The following COL6A6 variants were observed in gnomAD, a reference collection of about 807,000 sequenced individuals.
The protein encoded by COL6A6 is collagen type VI alpha 6 chain.
COL6A6 carries 183 observed loss-of-function variants against 208.6 expected under a neutral mutation model. The ratio of observed to expected loss-of-function variants is 0.88; its 90% CI spans 0.78 to 0.99. COL6A6 has a LOEUF of 0.99. Among genes scored for constraint, COL6A6 ranks in the 50% least tolerant of loss-of-function variants. COL6A6 has a pLI of 0.00. For missense variants in COL6A6, 2,816 were observed against 2,815.2 expected (o/e 1.00, Z -0.01); for synonymous variants, 973 against 1,011.8 (o/e 0.96, Z 0.73).
intron 28 of COL6A6, among the ~76,000 whole-genome samples, chr3:130,638,157 C>T (rs1425453350): frequency 2.0e-5 from 3 of 152,006 alleles, no homozygotes; most frequent in Non-Finnish European, 4.4e-5. Context: ...AAATCCTTCA[C>T]CCCCTCACTC....
At chr3:130,592,843 C>A in intron 15 of COL6A6, 121 bp downstream of exon 15, 1 of 994,018 alleles carries the variant, frequency 1.0e-6, no homozygotes, top group Non-Finnish European at 1.5e-6. Context: ...TTTTTTATTG[C>A]CAGCCATTTC....
At chr3:130,528,782 T>G (rs1055052342) in intron 1 of COL6A6, among the ~76,000 whole-genome samples, 2 of 152,176 alleles carry the variant, frequency 1.3e-5, no homozygotes, top group African/African-American at 4.8e-5. Flanking sequence ...ACTGAGGCAC[T>G]GATAGACTTA....
chr3:130,566,531 TG>T (rs1166542052), intron 4 of COL6A6, among the ~76,000 whole-genome samples, 170 bp from the exon 5 acceptor site: 1 of 152,236 alleles, frequency 6.6e-6, no homozygotes, highest in African/African-American at 2.4e-5. Flanking sequence ...GCGATTCATT[TG>T]GATGTTAAGA....
At chr3:130,590,052 T>C in intron 12 of COL6A6, 1 of 447,108 alleles carries the variant, frequency 2.2e-6, no homozygotes, top group Non-Finnish European at 4.5e-6. Flanking sequence ...TGGTCTATTT[T>C]TCTATGTGTA....
At chr3:130,645,329 G>C (rs2065436091) in intron 32 of COL6A6, among the ~76,000 whole-genome samples, 1 of 152,118 alleles carries the variant, frequency 6.6e-6, no homozygotes, top group Non-Finnish European at 1.5e-5. Context: ...GACATGCTCT[G>C]TCACACAGGC....
intron 23 of COL6A6, among the ~76,000 whole-genome samples, chr3:130,619,681 AGGCAAGTAAT>A: frequency 6.6e-6 from 1 of 152,158 alleles, no homozygotes; most frequent in Non-Finnish European, 1.5e-5. Context: ...ATGGGCCTGA[AGGCAAGTAAT>A]GGGAATGGAA....
chr3:130,535,024 A>G (rs2062190379), intron 1 of COL6A6, among the ~76,000 whole-genome samples: 1 of 152,084 alleles, frequency 6.6e-6, no homozygotes, highest in Non-Finnish European at 1.5e-5. Context: ...TCCTCAAGTC[A>G]AGTCTTCATT....
chr3:130,550,392 G>A (rs1257053490), intron 1 of COL6A6, among the ~76,000 whole-genome samples: 1 of 152,126 alleles, frequency 6.6e-6, no homozygotes, highest in African/African-American at 2.4e-5. Flanking sequence ...GGTTTTCAAG[G>A]GGAATGCTTC....
Position 130,604,270 on chromosome 3 carries a change from G to A in COL6A6, c.4654-2661G>A, listed in dbSNP as rs12487754. 9.1e-3 allele frequency among the ~76,000 whole-genome samples: 1,383 copies of A among 152,088 alleles called. 77 individuals are homozygous for A. In the East Asian group the frequency reaches 0.16, roughly 18 times the overall value. The stretch of plus-strand genomic sequence containing the variant: ...GCACTTTGGGAGGCTCAGGCGGGCG[G>A]ATCATGAGGTCAGGAGATCGAGACC... On this transcript the variant is annotated intron_variant, in intron 20 of 36. Coordinates refer to ENST00000358511, the MANE Select transcript of COL6A6 (RefSeq NM_001102608.3).
rs371005676 is a variant in COL6A6 at position 130,563,370 on chromosome 3, G to T, written c.367G>T (p.Ala123Ser). ...EAHRTYFSAP[A>S]NGRDKKQFPP... is the part of the protein sequence containing the mutation. ...TCACAGGACTTATTTCTCTGCACCC[G>T]CAAATGGGAGAGACAAGAAACAGTT... The change falls in exon 3 of 37, where the codon GCA (alanine) becomes TCA (serine). Residue 123 changes from alanine (A) to serine (S), a missense_variant. Coordinates refer to ENST00000358511, the MANE Select transcript of COL6A6 (RefSeq NM_001102608.3). 1.1e-4 allele frequency: 180 copies of T among 1,613,914 alleles called. 1 individual carries two copies. In the South Asian group the frequency reaches 1.8e-3, roughly 16 times the overall value.
intron 4 of COL6A6, among the ~76,000 whole-genome samples, chr3:130,566,372 A>G (rs563022976): frequency 1.3e-5 from 2 of 152,288 alleles, no homozygotes; most frequent in African/African-American, 4.8e-5. Context: ...ATTTCCCAAC[A>G]CACTACTTGA....
At chr3:130,601,563 A>G (rs72994357) in intron 20 of COL6A6, among the ~76,000 whole-genome samples, 2,997 of 152,326 alleles carry the variant, frequency 0.02, 88 homozygotes, top group African/African-American at 0.069. Flanking sequence ...AAATCCTGGC[A>G]TGTAAGGATG....
chr3:130,611,679 T>C (rs141288243), intron 23 of COL6A6, among the ~76,000 whole-genome samples: 1 of 152,356 alleles, frequency 6.6e-6, no homozygotes, highest in East Asian at 1.9e-4. Flanking sequence ...TGTACGTTAG[T>C]TGAACCAGGC....
chr3:130,541,766 T>C (rs1241266788), intron 1 of COL6A6, among the ~76,000 whole-genome samples: 1 of 152,252 alleles, frequency 6.6e-6, no homozygotes, highest in Non-Finnish European at 1.5e-5. Context: ...CTTTCTTAAA[T>C]GTCTGGCAAA....
At chr3:130,643,561 A>G (rs541620330) in intron 31 of COL6A6, among the ~76,000 whole-genome samples, 1 of 152,320 alleles carries the variant, frequency 6.6e-6, no homozygotes, top group African/African-American at 2.4e-5. Flanking sequence ...TCTTTCTCAA[A>G]ATTTTAAAAT....
At chr3:130,627,415 G>A in intron 26 of COL6A6, 46 bp downstream of exon 26, 1 of 1,581,806 alleles carries the variant, frequency 6.3e-7, no homozygotes, top group East Asian at 2.2e-5. Context: ...TTTATTTTTT[G>A]TTGCTGGTTT....
Position 130,581,980 on chromosome 3 carries a change from A to G in COL6A6, c.3892-10A>G. The G allele has an allele frequency of 6.2e-7, 1 of 1,601,626 alleles. No individual in the cohort carries two copies. The highest frequency in any genetic ancestry group is 1.1e-5 in the South Asian group (1 of 89,246). On this transcript the variant is annotated splice_polypyrimidine_tract_variant and intron_variant, in intron 9 of 36. Coordinates refer to ENST00000358511, the MANE Select transcript of COL6A6 (RefSeq NM_001102608.3). ...TTAATTCATTTTACTTTTTTTGAAT[A>G]CTTTCTTAGGTGGTCCTTTTATTTT...
intron 20 of COL6A6, among the ~76,000 whole-genome samples, chr3:130,601,796 G>A (rs1380960267): frequency 2.0e-5 from 3 of 152,194 alleles, no homozygotes; most frequent in Admixed American, 6.5e-5. Flanking sequence ...ATTAAAAATG[G>A]CGAAACAGAG....
intron 2 of COL6A6, 101 bp downstream of exon 2, chr3:130,560,529 T>C (rs2062859508): frequency 2.0e-6 from 2 of 1,011,858 alleles, no homozygotes; most frequent in Non-Finnish European, 2.9e-6. Context: ...TCACTTTGTT[T>C]TGATTTTGAT....
Sources: allele counts gnomAD v4.1 joint callset (sites outside exome capture counted in the v4.1 genomes callset), GRCh38; gene constraint gnomAD v4.1.1; transcripts MANE v1.5; gene names NCBI Gene and HGNC (gene_info 2026-07-23, HGNC 2026-07-21).